Variants in PSME4 observed in about 807,000 individuals in gnomAD.
The protein encoded by PSME4 is proteasome activator complex subunit 4.
PSME4 carries 89 observed loss-of-function variants against 253.9 expected under a neutral mutation model. That is an observed-to-expected ratio of 0.35 (90% CI 0.30 to 0.42). The LOEUF (loss-of-function observed/expected upper bound fraction) is 0.42. Among genes scored for constraint, PSME4 ranks in the 10% least tolerant of loss-of-function variants. The probability of loss-of-function intolerance (pLI) is 1.00; values close to 1 mark genes in which losing one functional copy is unlikely to be tolerated. For synonymous variants in PSME4, 851 were observed against 759.2 expected, an observed-to-expected ratio of 1.12 and a Z score of -1.99; for missense variants, 2,014 against 2,195.2, an observed-to-expected ratio of 0.92 and a Z score of 1.65.
At position 53,934,648 on chromosome 2, in the gene PSME4, G is replaced by C. The variant is rs779038155; in HGVS notation, c.914C>G (p.Ala305Gly). The change falls in exon 8 of 47, where the codon GCT (alanine) becomes GGT (glycine). Residue 305 changes from alanine to glycine, a missense_variant. Transcript: ENST00000404125. ...QVLVPRFLTN[A>G]YDIGHAVIWI... Reference sequence around the variant, plus strand: ...TATTACAGCATGTCCTATATCATAAGCATTTGTTAAAAATCTTGGGACTAA... The same window carrying C: ...TATTACAGCATGTCCTATATCATAACCATTTGTTAAAAATCTTGGGACTAA... The C allele has an allele frequency of 2.5e-6, 4 of 1,612,558 alleles. No individual in the cohort carries two copies. In the South Asian group the frequency reaches 4.4e-5, roughly 18 times the overall value.
intron 34 of PSME4, 68 bp downstream of exon 34, chr2:53,894,939 G>T: frequency 7.5e-7 from 1 of 1,328,918 alleles, no homozygotes; most frequent in Non-Finnish European, 1.1e-6. Context: ...AAGAACTGAA[G>T]TGAGGTTGAG....
At chr2:53,914,375 A>G (rs1210443610) in intron 20 of PSME4, among the ~76,000 whole-genome samples, 1 of 152,228 alleles carries the variant, frequency 6.6e-6, no homozygotes, top group East Asian at 1.9e-4. Context: ...TATAAACTAT[A>G]CCACAAATAT....
intron 26 of PSME4, 122 bp from the exon 27 acceptor site, chr2:53,904,278 C>G: frequency 9.9e-7 from 1 of 1,006,448 alleles, no homozygotes; most frequent in South Asian, 1.9e-5. Context: ...AAATAAATTT[C>G]AAAGCACGTA....
In PSME4 at chr2:53,928,261, G is replaced by C; in HGVS notation, c.1359C>G (p.Leu453=). 1 of 1,614,144 alleles carries C rather than the reference G, an allele frequency of 6.2e-7. No homozygotes were observed. The highest frequency in any genetic ancestry group is 8.5e-7 in the Non-Finnish European group (1 of 1,179,998). Residue 453 remains leucine, a synonymous_variant, in exon 11 of 47, where the codon CTC becomes CTG. Coordinates refer to ENST00000404125, the MANE Select transcript of PSME4 (RefSeq NM_014614.3). The stretch of plus-strand genomic sequence containing the variant: ...CAATTACACAACTTAAAGTAGCTGT[G>C]AGCTGGTGAGGTTCTGTTAATGTCT... The part of the protein sequence containing the change: ...ALETLTEPHQ[L]TATLSCVIGV...
intron 28 of PSME4, among the ~76,000 whole-genome samples, chr2:53,900,361 C>A (rs528542775): frequency 1.3e-5 from 2 of 151,420 alleles, no homozygotes; most frequent in African/African-American, 4.8e-5. Context: ...GAGTTTGAGA[C>A]CAGCCCGGGG....
chr2:53,949,384 G>A (rs553915766), intron 1 of PSME4, 101 bp from the exon 2 acceptor site: 78 of 625,628 alleles, frequency 1.2e-4, no homozygotes, highest in Admixed American at 9.6e-4. Flanking sequence ...GATGCAACCT[G>A]AATGGCCACA....
intron 20 of PSME4, among the ~76,000 whole-genome samples, chr2:53,916,459 T>A (rs1178830849): frequency 6.6e-6 from 1 of 152,218 alleles, no homozygotes; most frequent in Non-Finnish European, 1.5e-5. Context: ...TCCCATTTCC[T>A]ATGGAGCAAC....
At chr2:53,928,479 T>C (rs1668672308) in intron 10 of PSME4, among the ~76,000 whole-genome samples, 176 bp from the exon 11 acceptor site, 1 of 151,954 alleles carries the variant, frequency 6.6e-6, no homozygotes, top group South Asian at 2.1e-4. Flanking sequence ...CCGTTATCTG[T>C]AGTTTCCGTA....
At chr2:53,945,215 A>G (rs183911588) in intron 3 of PSME4, among the ~76,000 whole-genome samples, 1 of 152,352 alleles carries the variant, frequency 6.6e-6, no homozygotes, top group East Asian at 1.9e-4. Flanking sequence ...TATGTTGCCT[A>G]TACTATAACT....
intron 28 of PSME4, among the ~76,000 whole-genome samples, chr2:53,900,774 G>T (rs946082085): frequency 6.6e-6 from 1 of 152,144 alleles, no homozygotes; most frequent in South Asian, 2.1e-4. Context: ...TAAACCAGGG[G>T]AGAGATGTCA....
At chr2:53,943,468 G>C (rs1669550037) in intron 3 of PSME4, among the ~76,000 whole-genome samples, 1 of 152,114 alleles carries the variant, frequency 6.6e-6, no homozygotes, top group Non-Finnish European at 1.5e-5. Context: ...AATATTGATT[G>C]CTCAGTTAAA....
chr2:53,957,904 T>C (rs901330671), intron 1 of PSME4, among the ~76,000 whole-genome samples: 1 of 152,190 alleles, frequency 6.6e-6, no homozygotes, highest in Non-Finnish European at 1.5e-5. Context: ...ACAAAAACTA[T>C]GTTCACTTTT....
chr2:53,936,050 C>A (rs778385218), intron 7 of PSME4, 37 bp downstream of exon 7: 19 of 1,602,744 alleles, frequency 1.2e-5, no homozygotes, highest in Middle Eastern at 1.7e-4. Flanking sequence ...CCTACCACCC[C>A]ATGCCTGATA....
chr2:53,888,140 T>G, intron 38 of PSME4, 151 bp from the exon 39 acceptor site: 1 of 642,058 alleles, frequency 1.6e-6, no homozygotes, highest in African/African-American at 1.9e-5. Context: ...AATAGCCTCT[T>G]TATGAAGATT....
rs185401633 is a variant in PSME4, at chr2:53,949,824, T to C, written c.243-541A>G. On this transcript the variant is annotated intron_variant, in intron 1 of 46. Coordinates refer to ENST00000404125, the MANE Select transcript of PSME4 (RefSeq NM_014614.3). ...ACAATGTATATATGGTTAACAATAC[T>C]GTATTGTACAGTTAAAAATTAAGAT... is the stretch of plus-strand genomic sequence containing the variant. Among the ~76,000 whole-genome samples, 103 of 152,344 alleles carry C rather than the reference T, an allele frequency of 6.8e-4. 2 individuals are homozygous for C. In the East Asian group the frequency reaches 0.017, roughly 26 times the overall value.
chr2:53,901,620 G>C, intron 27 of PSME4, 61 bp from the exon 28 acceptor site: 1 of 1,364,578 alleles, frequency 7.3e-7, no homozygotes, highest in East Asian at 2.3e-5. Context: ...TGTAGTTGTA[G>C]CCAATGCACC....
intron 3 of PSME4, among the ~76,000 whole-genome samples, chr2:53,940,379 G>A (rs1044079669): frequency 6.6e-6 from 1 of 151,998 alleles, no homozygotes; most frequent in Non-Finnish European, 1.5e-5. Context: ...ACAAGCAGCA[G>A]ACAGACCAAA....
chr2:53,923,493 GATAA>G (rs1668418673), intron 14 of PSME4, 74 bp from the exon 15 acceptor site: 2 of 1,445,924 alleles, frequency 1.4e-6, no homozygotes, highest in Admixed American at 3.0e-5. Context: ...AAAAGAAAAT[GATAA>G]ATATATTTAG....
intron 37 of PSME4, 61 bp downstream of exon 37, chr2:53,890,043 G>T (rs931911967): frequency 8.0e-7 from 1 of 1,254,952 alleles, no homozygotes; most frequent in Non-Finnish European, 1.2e-6. Context: ...CACACTTTGA[G>T]AGACAGTATC....
Sources: allele counts gnomAD v4.1 joint callset (sites outside exome capture counted in the v4.1 genomes callset), GRCh38; gene constraint gnomAD v4.1.1; transcripts MANE v1.5; gene names NCBI Gene and HGNC (gene_info 2026-07-23, HGNC 2026-07-21).